GMDS: variants seen among roughly 807,000 people sequenced by gnomAD.
GMDS encodes GDP-mannose 4,6 dehydratase.
In GMDS, 20 loss-of-function variants were observed where a neutral mutation model predicts 49.9. The ratio of observed to expected loss-of-function variants is 0.40; its 90% confidence interval spans 0.28 to 0.58. GMDS has a LOEUF of 0.58. GMDS is among the 20% of genes least tolerant of loss of function. The pLI is 0.42. For missense variants in GMDS, 362 were observed against 481.4 expected, an observed-to-expected ratio of 0.75 and a Z score of 2.32; for synonymous variants, 177 against 178.6, an observed-to-expected ratio of 0.99 and a Z score of 0.07.
At chr6:2,167,862 A>G (rs984824172) in intron 1 of GMDS, among the ~76,000 whole-genome samples, 1 of 152,226 alleles carries the variant, frequency 6.6e-6, no homozygotes, top group Non-Finnish European at 1.5e-5. Flanking sequence ...CATGGGAACA[A>G]CATTCCTCTT....
At chr6:2,232,374 C>T (rs894945220) in intron 1 of GMDS, among the ~76,000 whole-genome samples, 2 of 152,166 alleles carry the variant, frequency 1.3e-5, no homozygotes, top group Non-Finnish European at 2.9e-5. Context: ...ATTCCTGATG[C>T]CCCTTTTGAA....
chr6:1,664,948 T>C (rs1764193626), intron 9 of GMDS, among the ~76,000 whole-genome samples: 1 of 152,238 alleles, frequency 6.6e-6, no homozygotes, highest in Admixed American at 6.5e-5. Flanking sequence ...ACACGTGCTA[T>C]GTGAATACAG....
At chr6:2,125,563 C>T (rs1392745218) in intron 1 of GMDS, among the ~76,000 whole-genome samples, 1 of 152,040 alleles carries the variant, frequency 6.6e-6, no homozygotes, top group African/African-American at 2.4e-5. Context: ...AACTGCACTC[C>T]AGCCTGGGTG....
chr6:1,648,402 GC>G (rs1398389234), intron 9 of GMDS, among the ~76,000 whole-genome samples: 3 of 152,184 alleles, frequency 2.0e-5, no homozygotes, highest in Non-Finnish European at 4.4e-5. Flanking sequence ...ATTTGAAGCT[GC>G]CTATGATCTG....
At chr6:1,743,524 C>T (rs1336842735) in intron 7 of GMDS, among the ~76,000 whole-genome samples, 2 of 117,386 alleles carry the variant, frequency 1.7e-5, no homozygotes, top group Non-Finnish European at 3.5e-5. Context: ...GCCTGGACGA[C>T]AGAACCAGAC....
chr6:2,179,530 C>T (rs866792684), intron 1 of GMDS, among the ~76,000 whole-genome samples: 20 of 152,294 alleles, frequency 1.3e-4, no homozygotes, highest in South Asian at 4.1e-4. Flanking sequence ...TGTTCTCCCA[C>T]GTGAGAACAT....
intron 7 of GMDS, among the ~76,000 whole-genome samples, chr6:1,877,533 G>C (rs2113815433): frequency 6.6e-6 from 1 of 151,650 alleles, no homozygotes; most frequent in East Asian, 2.0e-4. Flanking sequence ...AACAACTCGG[G>C]AAGTTGAGGA....
chr6:1,827,894 A>T (rs760057581), intron 7 of GMDS, among the ~76,000 whole-genome samples: 8 of 152,188 alleles, frequency 5.3e-5, no homozygotes, highest in Non-Finnish European at 1.2e-4. Flanking sequence ...AACAATGGAA[A>T]AATAAGACAT....
intron 1 of GMDS, among the ~76,000 whole-genome samples, chr6:2,230,951 C>T (rs868320446): frequency 1.0e-5 from 1 of 99,310 alleles, no homozygotes; most frequent in East Asian, 3.7e-4. Flanking sequence ...ACCCCCCCCC[C>T]CCGTTCCTTC....
intron 9 of GMDS, among the ~76,000 whole-genome samples, chr6:1,656,415 T>C (rs529021199): frequency 2.6e-5 from 4 of 152,302 alleles, no homozygotes; most frequent in Admixed American, 6.5e-5. Flanking sequence ...TGAATCAGTA[T>C]ACATGGTCAT....
intron 7 of GMDS, among the ~76,000 whole-genome samples, chr6:1,761,830 C>T (rs1322587195): frequency 6.6e-6 from 1 of 152,124 alleles, no homozygotes; most frequent in African/African-American, 2.4e-5. Context: ...TTCTGCTCTC[C>T]TGCCAATTTT....
intron 9 of GMDS, among the ~76,000 whole-genome samples, chr6:1,659,221 T>C (rs1349472008): frequency 6.6e-6 from 1 of 151,978 alleles, no homozygotes; most frequent in Non-Finnish European, 1.5e-5. Context: ...TTTTTTTTTT[T>C]TTTAAACATC....
At chr6:2,003,216 T>C (rs1766943105) in intron 4 of GMDS, among the ~76,000 whole-genome samples, 1 of 152,152 alleles carries the variant, frequency 6.6e-6, no homozygotes, top group Non-Finnish European at 1.5e-5. Context: ...ATGTTGCTAA[T>C]GGATGATAAC....
chr6:1,755,760 C>G, intron 7 of GMDS, among the ~76,000 whole-genome samples: 1 of 152,122 alleles, frequency 6.6e-6, no homozygotes, highest in East Asian at 1.9e-4. Context: ...CAAAAATTAA[C>G]TAAAGATGGA....
intron 7 of GMDS, among the ~76,000 whole-genome samples, chr6:1,919,704 A>G (rs546047905): frequency 4.7e-4 from 71 of 152,314 alleles, no homozygotes; most frequent in African/African-American, 1.7e-3. Flanking sequence ...CACCTTCAAT[A>G]AGGCATAGAG....
intron 9 of GMDS, among the ~76,000 whole-genome samples, chr6:1,725,712 A>G (rs1766558728): frequency 6.6e-6 from 1 of 152,242 alleles, no homozygotes; most frequent in African/African-American, 2.4e-5. Context: ...GATTATAGGC[A>G]TGAGCCACTG....
intron 9 of GMDS, among the ~76,000 whole-genome samples, chr6:1,631,804 C>G (rs1395224278): frequency 6.6e-6 from 1 of 152,214 alleles, no homozygotes; most frequent in African/African-American, 2.4e-5. Flanking sequence ...TAGCCAAACA[C>G]CTGACCACAT....
At chr6:2,069,360 A>C (rs1365977440) in intron 4 of GMDS, among the ~76,000 whole-genome samples, 1 of 152,224 alleles carries the variant, frequency 6.6e-6, no homozygotes, top group East Asian at 1.9e-4. Context: ...GGCATGGGCA[A>C]GGACTTCATG....
At chr6:1,933,023 A>G in intron 6 of GMDS, among the ~76,000 whole-genome samples, 1 of 152,190 alleles carries the variant, frequency 6.6e-6, no homozygotes, top group East Asian at 1.9e-4. Flanking sequence ...ATCATTTAGC[A>G]GTCACTCACC....
Sources: gnomAD v4.1 joint callset for allele counts (sites outside exome capture counted in the v4.1 genomes callset) on GRCh38, gnomAD v4.1.1 for gene constraint, MANE v1.5 for transcripts, NCBI Gene and HGNC (gene_info 2026-07-23, HGNC 2026-07-21) for gene names.